The following RPN1 variants were observed in gnomAD, a reference collection of about 807,000 sequenced individuals.
RPN1 encodes dolichyl-diphosphooligosaccharide--protein glycosyltransferase subunit 1.
A neutral mutation model predicts 55.5 loss-of-function variants in RPN1; 12 were observed. The ratio of observed to expected loss-of-function variants is 0.22; its 90% CI spans 0.14 to 0.35. RPN1 has a LOEUF of 0.35. RPN1 is among the 10% of genes least tolerant of loss of function. The pLI is 1.00. For missense variants in RPN1, 679 were observed against 761.3 expected (o/e 0.89, Z 1.27); for synonymous variants, 317 against 305.9 (o/e 1.04, Z -0.38).
rs138936459 is a variant in RPN1 at position 128,632,079 on chromosome 3, G to A, written c.712C>T (p.His238Tyr). Residue 238 changes from histidine (H) to tyrosine (Y), a missense_variant, in exon 4 of 10, where the codon CAC (histidine) becomes TAC (tyrosine). This residue lies in a region of RPN1 where 352 missense variants were observed against 352.8 expected (regional missense o/e 1.00). Coordinates refer to ENST00000296255, the MANE Select transcript of RPN1 (RefSeq NM_002950.4). Reference protein sequence around the residue: ...TSMTRVIEVSHWGNIAVEENV... With the variant: ...TSMTRVIEVSYWGNIAVEENV... Reference sequence around the variant, plus strand: ...TCTTCCACAGCAATATTACCCCAGTGAGAGACTTCAATGACTCGGGTCATG... The same window carrying A: ...TCTTCCACAGCAATATTACCCCAGTAAGAGACTTCAATGACTCGGGTCATG... The A allele has an allele frequency of 1.1e-3, 1,789 of 1,614,170 alleles. 25 individuals carry two copies. The South Asian group carries it at 0.013, about 12-fold the overall frequency.
chr3:128,646,688 TA>T (rs1214102863), intron 1 of RPN1, among the ~76,000 whole-genome samples: 5 of 122,784 alleles, frequency 4.1e-5, no homozygotes, highest in South Asian at 2.5e-4. Flanking sequence ...CTCCATCTCA[TA>T]AAAAAAAAAG....
intron 5 of RPN1, among the ~76,000 whole-genome samples, chr3:128,627,587 A>G (rs1487627516): frequency 3.9e-5 from 6 of 152,046 alleles, no homozygotes; most frequent in Non-Finnish European, 8.8e-5. Flanking sequence ...CCTGGCCAAC[A>G]TGGTGAAACC....
chr3:128,634,751 C>T lies in RPN1; in HGVS notation c.634-2594G>A, dbSNP rs561878259. The stretch of plus-strand genomic sequence containing the variant: ...CTAATTTTTTTATCTTTAGTAGAGA[C>T]GGGGTTTCACCATGTTGGCCAGGCT... On this transcript the variant is annotated intron_variant, in intron 3 of 9. Transcript: ENST00000296255. Among the ~76,000 whole-genome samples the T allele has an allele frequency of 4.9e-4, 74 of 151,982 alleles. 3 individuals carry two copies. The South Asian group carries it at 0.015, about 30-fold the overall frequency.
rs146313741 is a variant in RPN1 at position 128,643,934 on chromosome 3, A to C, written c.326+985T>G. On this transcript the variant is annotated intron_variant, in intron 2 of 9. Coordinates refer to ENST00000296255, the MANE Select transcript of RPN1 (RefSeq NM_002950.4). ...TGGGCAACAGACACTGTCTCCAAAA[A>C]ATAATAATAATAATAACTAATAAGT... Among the ~76,000 whole-genome samples, 88 of 152,062 alleles carry C rather than the reference A, an allele frequency of 5.8e-4. No individual in the cohort carries two copies. In the East Asian group the frequency reaches 0.015, roughly 26 times the overall value.
Position 128,650,531 on chromosome 3 carries a change from C to T in RPN1, c.261+9G>A, listed in dbSNP as rs1195268891. Reference sequence around the variant, plus strand: ...CCGGGAGCGGCGGCGAGGGGTCGCCCACACTCACCTGCACGCCCAGGTGCG... The same window carrying T: ...CCGGGAGCGGCGGCGAGGGGTCGCCTACACTCACCTGCACGCCCAGGTGCG... On this transcript the variant is annotated intron_variant, in intron 1 of 9. Coordinates refer to ENST00000296255, the MANE Select transcript of RPN1 (RefSeq NM_002950.4). 3.3e-6 allele frequency: 5 copies of T among 1,530,834 alleles called. No homozygotes were observed. Among genetic ancestry groups the T allele is most frequent in the African/African-American group, 1.4e-5 (1 of 72,762 alleles). 94.8% of individuals were successfully genotyped at this position (1,530,834 alleles called of 1,614,324 possible). A position where few individuals can be genotyped will look rare whatever the true frequency, so the allele number is the denominator to read the frequency against.
intron 5 of RPN1, chr3:128,627,172 G>C (rs13073831): frequency 2.7e-5 from 8 of 295,024 alleles, no homozygotes; most frequent in Admixed American, 2.1e-4. Context: ...CAGCAGGCCA[G>C]TGTGAGGAGT....
chr3:128,648,292 G>A (rs939554156), intron 1 of RPN1, among the ~76,000 whole-genome samples: 3 of 152,154 alleles, frequency 2.0e-5, no homozygotes, highest in African/African-American at 7.2e-5. Context: ...CTACTCCGGA[G>A]GCTGAGGCAG....
chr3:128,632,264 A>T, intron 3 of RPN1, 107 bp from the exon 4 acceptor site: 1 of 944,070 alleles, frequency 1.1e-6, no homozygotes, highest in Non-Finnish European at 1.6e-6. Flanking sequence ...CAGAACGGGT[A>T]AATTATGATG....
intron 6 of RPN1, 107 bp from the exon 7 acceptor site, chr3:128,626,119 T>C (rs2069598306): frequency 2.8e-6 from 3 of 1,090,308 alleles, no homozygotes; most frequent in Admixed American, 2.4e-5. Flanking sequence ...ATCACTAAAT[T>C]CACACTCCTC....
intron 9 of RPN1, 117 bp downstream of exon 9, chr3:128,622,047 C>G: frequency 1.0e-6 from 1 of 999,948 alleles, no homozygotes; most frequent in South Asian, 1.5e-5. Flanking sequence ...TGGCCAGATG[C>G]AGTCTTATCC....
chr3:128,644,547 C>T, intron 2 of RPN1: 1 of 444,110 alleles, frequency 2.3e-6, no homozygotes, highest in Non-Finnish European at 4.3e-6. Flanking sequence ...CTAGTCCCAC[C>T]TATTTGGGAG....
intron 2 of RPN1, among the ~76,000 whole-genome samples, chr3:128,642,779 T>C (rs534138377): frequency 2.0e-5 from 3 of 152,128 alleles, no homozygotes; most frequent in South Asian, 2.1e-4. Context: ...CCCAACACTT[T>C]GGGAGGCCGA....
chr3:128,642,962 A>T (rs1346014882), intron 2 of RPN1, among the ~76,000 whole-genome samples: 4 of 151,864 alleles, frequency 2.6e-5, no homozygotes, highest in Non-Finnish European at 4.4e-5. Context: ...GGTTGCAGTG[A>T]GCCGAGATCA....
chr3:128,631,385 G>A (rs1469589107), intron 4 of RPN1, among the ~76,000 whole-genome samples: 1 of 151,910 alleles, frequency 6.6e-6, no homozygotes, highest in African/African-American at 2.4e-5. Flanking sequence ...GGCTGAGGCG[G>A]GAGAATTGCT....
At chr3:128,629,866 C>T in intron 5 of RPN1, 85 bp downstream of exon 5, 2 of 725,304 alleles carry the variant, frequency 2.8e-6, no homozygotes, top group Non-Finnish European at 4.6e-6. Flanking sequence ...TGAACACACC[C>T]CATCTATAAA....
intron 5 of RPN1, among the ~76,000 whole-genome samples, chr3:128,629,284 G>A (rs1423309164): frequency 1.3e-5 from 2 of 152,034 alleles, no homozygotes; most frequent in Non-Finnish European, 1.5e-5. Flanking sequence ...GACTTGGCCG[G>A]GCATGGTGGC....
At chr3:128,645,653 C>T (rs145638255) in intron 1 of RPN1, among the ~76,000 whole-genome samples, 4 of 151,092 alleles carry the variant, frequency 2.6e-5, no homozygotes, top group Non-Finnish European at 4.4e-5. Context: ...CCCGTCTCTA[C>T]GAAAAATACA....
chr3:128,645,335 TGGCAC>T (rs2069758667), intron 1 of RPN1, among the ~76,000 whole-genome samples: 3 of 151,952 alleles, frequency 2.0e-5, no homozygotes, highest in Non-Finnish European at 1.5e-5. Context: ...CTAGGCATGG[TGGCAC>T]ATGCCTGTAA....
At chr3:128,631,031 T>C (rs1242402359) in intron 4 of RPN1, among the ~76,000 whole-genome samples, 1 of 150,504 alleles carries the variant, frequency 6.6e-6, no homozygotes. Context: ...GAGAATAGCA[T>C]GAACCCGGGA....
Sources: allele counts gnomAD v4.1 joint callset (sites outside exome capture counted in the v4.1 genomes callset), GRCh38; gene constraint gnomAD v4.1.1; regional missense constraint gnomAD v4.1.1; transcripts MANE v1.5; gene names NCBI Gene and HGNC (gene_info 2026-07-23, HGNC 2026-07-21).